The following TTBK2 variants were observed in gnomAD, a reference collection of about 807,000 sequenced individuals.
TTBK2 encodes tau-tubulin kinase 2.
A neutral mutation model predicts 110.8 loss-of-function variants in TTBK2; 28 were observed. That is an observed-to-expected ratio of 0.25 (90% CI 0.19 to 0.35). The LOEUF (loss-of-function observed/expected upper bound fraction) is 0.35. TTBK2 is among the 10% of genes least tolerant of loss of function. The pLI is 1.00. For synonymous variants in TTBK2, 532 were observed against 527.3 expected, an observed-to-expected ratio of 1.01 and a Z score of -0.12; for missense variants, 1,369 against 1,500.3, an observed-to-expected ratio of 0.91 and a Z score of 1.45.
rs367778872 is a variant in TTBK2, at chr15:42,753,089, A to G, written c.2157T>C (p.Gly719=). ...ENFSGLVVTE[G]EPPSGGSRTD... ...TTCTGCTTCCTCCACTAGGAGGTTC[A>G]CCCTCTGTCACAACCAAGCCAGAGA... The change falls in exon 14 of 15, where the codon GGT becomes GGC. Residue 719 remains glycine, a synonymous_variant. Coordinates refer to ENST00000267890, the MANE Select transcript of TTBK2 (RefSeq NM_173500.4). 233 of 1,604,976 alleles carry G rather than the reference A, an allele frequency of 1.5e-4. No individual in the cohort carries two copies. Among genetic ancestry groups the G allele is most frequent in the Admixed American group, 6.8e-4 (40 of 58,648 alleles).
intron 13 of TTBK2, among the ~76,000 whole-genome samples, chr15:42,765,873 G>GTT (rs1277457922): frequency 1.8e-4 from 27 of 152,140 alleles, no homozygotes; most frequent in Non-Finnish European, 4.4e-5. Context: ...AGAGAGAAAG[G>GTT]GCCAGGTTAC....
intron 9 of TTBK2, chr15:42,801,151 C>T (rs763185262): frequency 8.4e-7 from 1 of 1,185,646 alleles, no homozygotes; most frequent in Admixed American, 1.7e-5. Context: ...AAGCTCTGAC[C>T]ACCTGCATAG....
chr15:42,886,945 T>C (rs748316543), intron 1 of TTBK2, among the ~76,000 whole-genome samples: 26 of 152,234 alleles, frequency 1.7e-4, no homozygotes, highest in Non-Finnish European at 2.9e-4. Flanking sequence ...CCAGATCTTC[T>C]TGGCTTAGCA....
At chr15:42,810,098 T>C (rs1891642366) in intron 9 of TTBK2, among the ~76,000 whole-genome samples, 1 of 152,186 alleles carries the variant, frequency 6.6e-6, no homozygotes, top group African/African-American at 2.4e-5. Flanking sequence ...GGGTTAGGGA[T>C]GTAATTTGTA....
chr15:42,777,505 C>T (rs1268721464), intron 11 of TTBK2, among the ~76,000 whole-genome samples: 1 of 152,096 alleles, frequency 6.6e-6, no homozygotes, highest in Non-Finnish European at 1.5e-5. Flanking sequence ...AAATGTTTAA[C>T]AGACTTGGAT....
chr15:42,883,379 A>G (rs1347823859), intron 1 of TTBK2, among the ~76,000 whole-genome samples: 1 of 146,666 alleles, frequency 6.8e-6, no homozygotes, highest in Non-Finnish European at 1.5e-5. Context: ...CTCCACCTCA[A>G]AAAAAAAAAA....
intron 1 of TTBK2, among the ~76,000 whole-genome samples, chr15:42,905,357 T>C (rs2030326550): frequency 6.6e-6 from 1 of 152,170 alleles, no homozygotes; most frequent in Non-Finnish European, 1.5e-5. Flanking sequence ...CATTGCAGCC[T>C]TGACCTCCTG....
chr15:42,822,235 C>T (rs1892336568), intron 6 of TTBK2, among the ~76,000 whole-genome samples: 1 of 152,030 alleles, frequency 6.6e-6, no homozygotes, highest in Non-Finnish European at 1.5e-5. Context: ...TTTTCATTTG[C>T]TTAACAATGT....
intron 9 of TTBK2, chr15:42,801,314 C>A: frequency 1.2e-6 from 2 of 1,603,686 alleles, no homozygotes; most frequent in Non-Finnish European, 1.7e-6. Context: ...GCTGCCGCGC[C>A]ATGTCTTGAC....
chr15:42,875,712 G>C (rs1201404169), intron 2 of TTBK2, among the ~76,000 whole-genome samples: 1 of 151,986 alleles, frequency 6.6e-6, no homozygotes, highest in Non-Finnish European at 1.5e-5. Flanking sequence ...TTCCAGACCA[G>C]ACTGGCCAAC....
chr15:42,887,666 T>G (rs1414773462), intron 1 of TTBK2, among the ~76,000 whole-genome samples: 1 of 152,168 alleles, frequency 6.6e-6, no homozygotes, highest in African/African-American at 2.4e-5. Flanking sequence ...GCCAAACCCA[T>G]ACACTCTCCT....
At chr15:42,779,745 C>A (rs964266916) in intron 11 of TTBK2, among the ~76,000 whole-genome samples, 1 of 151,772 alleles carries the variant, frequency 6.6e-6, no homozygotes, top group Non-Finnish European at 1.5e-5. Flanking sequence ...TTTGTGAGGT[C>A]GAGGCAGGTG....
At chr15:42,903,788 G>A (rs2030211123) in intron 1 of TTBK2, among the ~76,000 whole-genome samples, 1 of 152,172 alleles carries the variant, frequency 6.6e-6, no homozygotes. Flanking sequence ...CAGCAAAAGT[G>A]ATAGGATGTT....
intron 3 of TTBK2, among the ~76,000 whole-genome samples, chr15:42,863,392 G>A (rs1004903754): frequency 2.6e-5 from 4 of 152,038 alleles, no homozygotes; most frequent in Non-Finnish European, 5.9e-5. Flanking sequence ...TCTCTACAAG[G>A]AGAACTATAA....
intron 6 of TTBK2, among the ~76,000 whole-genome samples, chr15:42,817,882 C>A (rs1892108228): frequency 6.6e-6 from 1 of 152,180 alleles, no homozygotes; most frequent in Non-Finnish European, 1.5e-5. Context: ...AGCTCTTCTA[C>A]TCCATTTTAA....
chr15:42,780,824 C>A (rs905609110), intron 11 of TTBK2, among the ~76,000 whole-genome samples: 1 of 151,924 alleles, frequency 6.6e-6, no homozygotes, highest in Non-Finnish European at 1.5e-5. Flanking sequence ...ATTAGCCAAG[C>A]GTGGTGGCGG....
At position 42,871,689 on chromosome 15, in the gene TTBK2, T is replaced by A. The variant is rs549461891; in HGVS notation, c.217+922A>T. The A allele has an allele frequency of 3.1e-3, 1,654 of 538,266 alleles. 20 individuals are homozygous for A. The African/African-American group carries it at 0.032, about 11-fold the overall frequency. The allele number at this position is 538,266 out of a possible 1,614,324, so 33.3% of individuals were successfully genotyped here. A position where few individuals can be genotyped will look rare whatever the true frequency, so the allele number is the denominator to read the frequency against. ...AGGTCAGAAAAAGAAAGAGCCATCC[T>A]TTTACCTATTCTTTCTTCTCCAATT... is the stretch of plus-strand genomic sequence containing the variant. On this transcript the variant is annotated intron_variant, in intron 3 of 14. Coordinates refer to ENST00000267890, the MANE Select transcript of TTBK2 (RefSeq NM_173500.4).
At position 42,752,548 on chromosome 15, in the gene TTBK2, A is replaced by T; in HGVS notation, c.2698T>A (p.Leu900Met). The change falls in exon 14 of 15, where the codon TTG (leucine) becomes ATG (methionine). Residue 900 changes from leucine to methionine, a missense_variant. Transcript: ENST00000267890. ...TTCTCTCTCTTGCCCTCTTGGTGCA[A>T]AAAAGTAGAGAGGTCTCCTTGATGA... ...PGHQGDLSTF[L>M]HQEGKREKIT... is the part of the protein sequence containing the mutation. 1 of 1,614,186 alleles carries T rather than the reference A, an allele frequency of 6.2e-7. No homozygotes were observed. The highest frequency in any genetic ancestry group is 8.5e-7 in the Non-Finnish European group (1 of 1,180,048).
intron 3 of TTBK2, chr15:42,871,554 C>G: frequency 1.0e-6 from 1 of 985,326 alleles, no homozygotes; most frequent in Non-Finnish European, 1.2e-6. Flanking sequence ...AAACAGGTAT[C>G]CTGGGATCTG....
Sources: gnomAD v4.1 joint callset for allele counts (sites outside exome capture counted in the v4.1 genomes callset) on GRCh38, gnomAD v4.1.1 for gene constraint, MANE v1.5 for transcripts, NCBI Gene and HGNC (gene_info 2026-07-23, HGNC 2026-07-21) for gene names.